The following ZNF251 variants were observed in gnomAD, a reference collection of about 807,000 sequenced individuals.
The protein encoded by ZNF251 is zinc finger protein 251.
ZNF251 carries 14 observed loss-of-function variants against 13.5 expected under a neutral mutation model. The observed-to-expected ratio is 1.04, with a 90% CI of 0.69 to 1.63. The LOEUF (loss-of-function observed/expected upper bound fraction) is 1.63. Ranked by LOEUF, ZNF251 falls within the 40% of genes most tolerant of loss-of-function variation. The probability of loss-of-function intolerance (pLI) is 0.00; values close to 1 mark genes in which losing one functional copy is unlikely to be tolerated. For missense variants in ZNF251, 764 were observed against 834.9 expected (o/e 0.92, Z 1.05); for synonymous variants, 287 against 295.2 (o/e 0.97, Z 0.28).
At chr8:144,738,866 C>T (rs1824025300) in intron 4 of ZNF251, among the ~76,000 whole-genome samples, 2 of 152,142 alleles carry the variant, frequency 1.3e-5, no homozygotes, top group Admixed American at 1.3e-4. Context: ...ATGGGGGCAC[C>T]TGTTTGGGAA....
intron 4 of ZNF251, among the ~76,000 whole-genome samples, chr8:144,727,276 A>G (rs900105765): frequency 1.3e-5 from 2 of 152,154 alleles, no homozygotes; most frequent in African/African-American, 2.4e-5. Context: ...AATAAACAAT[A>G]CAATTTGTGT....
rs1196201215 is a variant in ZNF251, at chr8:144,754,713, G to A, written c.16C>T (p.Gln6Ter). The A allele has an allele frequency of 6.2e-7, 1 of 1,612,170 alleles. No homozygotes were observed. Residue 6 changes from glutamine to a stop codon, truncating the protein, a stop_gained, in exon 2 of 5, where the codon CAG becomes TAG. Coordinates refer to ENST00000292562, the MANE Select transcript of ZNF251 (RefSeq NM_138367.2). LOFTEE classifies it high-confidence loss of function. ...TAACTCACCTGGTGCCCTGGAAGCT[G>A]GAATGTGGCTGCCATTCTGTGTGCA... is the stretch of plus-strand genomic sequence containing the variant. MAATF[Q>*]LPGHQEMPLT...
At chr8:144,748,992 C>A (rs994605486) in intron 4 of ZNF251, among the ~76,000 whole-genome samples, 3 of 152,110 alleles carry the variant, frequency 2.0e-5, no homozygotes, top group African/African-American at 4.8e-5. Flanking sequence ...AATAGTGAGA[C>A]CTGATCTCTA....
Position 144,754,665 on chromosome 8 carries a change from A to G in ZNF251, c.33+31T>C, listed in dbSNP as rs767706035. ...TCTGACTGGGATGGGGATGAAGATG[A>G]AGAGGTGGGCAGGAAGGAGGGTTAA... On this transcript the variant is annotated intron_variant, in intron 2 of 4. Coordinates refer to ENST00000292562, the MANE Select transcript of ZNF251 (RefSeq NM_138367.2). The G allele has an allele frequency of 3.1e-6, 5 of 1,592,116 alleles. No homozygotes were observed. The Admixed American group carries it at 7.1e-5, about 23-fold the overall frequency.
chr8:144,753,606 C>T, intron 4 of ZNF251, 77 bp downstream of exon 4: 1 of 1,196,564 alleles, frequency 8.4e-7, no homozygotes, highest in Non-Finnish European at 1.2e-6. Flanking sequence ...CGCCATGCCC[C>T]AGCTGTCCCT....
intron 4 of ZNF251, among the ~76,000 whole-genome samples, chr8:144,748,960 A>C (rs1166561510): frequency 6.6e-6 from 1 of 152,136 alleles, no homozygotes; most frequent in African/African-American, 2.4e-5. Flanking sequence ...GAGGCTCAAG[A>C]GTTTGAGACC....
chr8:144,725,003 T>C (rs529477251), intron 4 of ZNF251, among the ~76,000 whole-genome samples: 12 of 141,854 alleles, frequency 8.5e-5, no homozygotes, highest in Non-Finnish European at 1.6e-4. Flanking sequence ...ACCACCTTTT[T>C]TCTTTCTTTC....
chr8:144,722,663 T>C lies in ZNF251; in HGVS notation c.997A>G (p.Ser333Gly). 6.2e-7 allele frequency: 1 copy of C among 1,614,158 alleles called. No individual in the cohort carries two copies. Among genetic ancestry groups the C allele is most frequent in the Non-Finnish European group, 8.5e-7 (1 of 1,179,994 alleles). The change falls in exon 5 of 5, where the codon AGC becomes GGC. Residue 333 changes from serine to glycine, a missense_variant. Coordinates refer to ENST00000292562, the MANE Select transcript of ZNF251 (RefSeq NM_138367.2). This position sits in a 1 kb window ranked among gnomAD's most constrained non-coding sequence, Gnocchi z 4.8. ...CTCTGATGCTGAGTTAACTGGGGGC[T>C]CTGGCTAAAGCCTCTTCCACATTCA... is the stretch of plus-strand genomic sequence containing the variant. Reference protein sequence around the residue: ...CNECGRGFSQSPQLTQHQRIH... With the variant: ...CNECGRGFSQGPQLTQHQRIH...
At chr8:144,724,486 G>A (rs1823463105) in intron 4 of ZNF251, among the ~76,000 whole-genome samples, 1 of 151,772 alleles carries the variant, frequency 6.6e-6, no homozygotes, top group African/African-American at 2.4e-5. Context: ...GCAGGCCACT[G>A]TGCCTAGCCA....
Position 144,753,669 on chromosome 8 carries a change from C to G in ZNF251, c.277+14G>C. 2 of 1,552,918 alleles carry G rather than the reference C, an allele frequency of 1.3e-6. No homozygotes were observed. The highest frequency in any genetic ancestry group is 1.7e-6 in the Non-Finnish European group (2 of 1,145,272). ...GGAGGCTGCTCCCAGGATTAGCATC[C>G]CATCCATTCTCACCTTTCTGGCAGC... On this transcript the variant is annotated intron_variant, in intron 4 of 4. Coordinates refer to ENST00000292562, the MANE Select transcript of ZNF251 (RefSeq NM_138367.2).
intron 4 of ZNF251, among the ~76,000 whole-genome samples, chr8:144,750,132 C>T (rs1824626368): frequency 6.6e-6 from 1 of 152,162 alleles, no homozygotes; most frequent in Admixed American, 6.5e-5. Context: ...GGTCTGATTA[C>T]TCCAACACTC....
chr8:144,724,257 G>C (rs1215876401), intron 4 of ZNF251, among the ~76,000 whole-genome samples: 1 of 94,474 alleles, frequency 1.1e-5, no homozygotes, highest in South Asian at 3.7e-4. Flanking sequence ...GCAAGACTCC[G>C]TCTCAAAAAA....
Position 144,734,668 on chromosome 8 carries a change from G to A in ZNF251, c.278-11286C>T, listed in dbSNP as rs374450587. Among the ~76,000 whole-genome samples the A allele has an allele frequency of 3.9e-5, 6 of 152,210 alleles. No homozygotes were observed. The East Asian group carries it at 1.2e-3, about 29-fold the overall frequency. On this transcript the variant is annotated intron_variant, in intron 4 of 4. Coordinates refer to ENST00000292562, the MANE Select transcript of ZNF251 (RefSeq NM_138367.2). This position sits in a 1 kb window ranked among gnomAD's most constrained non-coding sequence, Gnocchi z 4.4. Reference sequence around the variant, plus strand: ...GCCTGAAAGGTAGGGACACACAGAGGTCACCCTCAGATTCTTCTGGTAATA... The same window carrying A: ...GCCTGAAAGGTAGGGACACACAGAGATCACCCTCAGATTCTTCTGGTAATA...
intron 4 of ZNF251, among the ~76,000 whole-genome samples, chr8:144,740,488 T>A (rs1727798100): frequency 6.6e-6 from 1 of 151,290 alleles, no homozygotes; most frequent in Non-Finnish European, 1.5e-5. Context: ...AATACAAAAT[T>A]AGCAGGGTAT....
intron 4 of ZNF251, among the ~76,000 whole-genome samples, chr8:144,732,570 G>C (rs12681800): frequency 6.6e-6 from 1 of 151,336 alleles, no homozygotes; most frequent in African/African-American, 2.4e-5. Context: ...CCCAGCACTT[G>C]GGGAGGCCAA....
chr8:144,728,986 G>T (rs1443698882), intron 4 of ZNF251, among the ~76,000 whole-genome samples: 1 of 151,108 alleles, frequency 6.6e-6, no homozygotes, highest in African/African-American at 2.4e-5. Flanking sequence ...TACTTGGGAG[G>T]CTGAGGCAGG....
chr8:144,746,045 T>A (rs1450790737), intron 4 of ZNF251, among the ~76,000 whole-genome samples: 1 of 152,264 alleles, frequency 6.6e-6, no homozygotes, highest in African/African-American at 2.4e-5. Context: ...TATTTTATCT[T>A]TAGTGGTGCT....
intron 4 of ZNF251, among the ~76,000 whole-genome samples, chr8:144,742,163 G>A (rs1417367113): frequency 6.6e-6 from 1 of 151,932 alleles, no homozygotes; most frequent in African/African-American, 2.4e-5. Flanking sequence ...CGAAAGTCAA[G>A]GAGGCCAGAA....
rs112671368 is a variant in ZNF251 at position 144,729,399 on chromosome 8, C to T, written c.278-6017G>A. Among the ~76,000 whole-genome samples, 7 of 149,520 alleles carry T rather than the reference C, an allele frequency of 4.7e-5. No homozygotes were observed. The South Asian group carries it at 6.4e-4, about 14-fold the overall frequency. ...TCGCCCAGGCTGGAGTGCAGTGGCG[C>T]AATCTCGGCTCACTGCAAGCTCCGC... On this transcript the variant is annotated intron_variant, in intron 4 of 4. Transcript: ENST00000292562.
Sources: gnomAD v4.1 joint callset for allele counts (sites outside exome capture counted in the v4.1 genomes callset) on GRCh38, gnomAD v4.1.1 for gene constraint, Gnocchi (gnomAD v3.1) non-coding constraint, MANE v1.5 for transcripts, NCBI Gene and HGNC (gene_info 2026-07-23, HGNC 2026-07-21) for gene names.